The following ADAMTS18 variants were observed in gnomAD, a reference collection of about 807,000 sequenced individuals.
The protein encoded by ADAMTS18 is ADAM metallopeptidase with thrombospondin type 1 motif 18, also known as A disintegrin and metalloproteinase with thrombospondin motifs 18.
In ADAMTS18, 157 loss-of-function variants were observed where a neutral mutation model predicts 165.9. That is an observed-to-expected ratio of 0.95 (90% CI 0.83 to 1.08). The LOEUF is 1.08. Among genes scored for constraint, ADAMTS18 ranks in the 50% least tolerant of loss-of-function variants. ADAMTS18 has a pLI of 0.00. For synonymous variants in ADAMTS18, 782 were observed against 578.2 expected (o/e 1.35, Z -5.06); for missense variants, 2,040 against 1,534.0 (o/e 1.33, Z -5.51).
intron 10 of ADAMTS18, among the ~76,000 whole-genome samples, chr16:77,345,345 T>G (rs1305822333): frequency 6.6e-6 from 1 of 152,334 alleles, no homozygotes; most frequent in Non-Finnish European, 1.5e-5. Context: ...TTCCCATTGG[T>G]TCTGGTAAAA....
intron 10 of ADAMTS18, among the ~76,000 whole-genome samples, chr16:77,350,044 G>C (rs894970456): frequency 4.6e-5 from 7 of 152,112 alleles, no homozygotes; most frequent in Non-Finnish European, 2.9e-5. Context: ...CAGAAGTCTC[G>C]ATCAGTCTGT....
intron 11 of ADAMTS18, among the ~76,000 whole-genome samples, chr16:77,341,225 C>T (rs780686148): frequency 2.6e-5 from 4 of 152,118 alleles, no homozygotes; most frequent in East Asian, 1.9e-4. Context: ...TAGGTGGAGG[C>T]GTCTCTTACC....
At chr16:77,358,835 G>T (rs2056669414) in intron 8 of ADAMTS18, among the ~76,000 whole-genome samples, 1 of 152,126 alleles carries the variant, frequency 6.6e-6, no homozygotes, top group Non-Finnish European at 1.5e-5. Flanking sequence ...ATTCTCTATA[G>T]CGTTGTCTCC....
chr16:77,294,672 G>A (rs189736757), intron 19 of ADAMTS18, among the ~76,000 whole-genome samples: 10 of 152,136 alleles, frequency 6.6e-5, no homozygotes, highest in South Asian at 2.1e-4. Context: ...CTGTGCTCAC[G>A]AGTCTGGCCT....
chr16:77,382,535 T>C (rs912392128), intron 3 of ADAMTS18, among the ~76,000 whole-genome samples: 9 of 152,168 alleles, frequency 5.9e-5, no homozygotes, highest in Non-Finnish European at 2.9e-5. Flanking sequence ...AAAGGACAGA[T>C]ACTGAAGCTA....
At chr16:77,339,502 T>C (rs1374925500) in intron 11 of ADAMTS18, among the ~76,000 whole-genome samples, 2 of 152,054 alleles carry the variant, frequency 1.3e-5, no homozygotes, top group East Asian at 3.9e-4. Flanking sequence ...ATGTAATAAA[T>C]CTTTAGACCT....
chr16:77,291,959 C>G (rs913431400), intron 20 of ADAMTS18, among the ~76,000 whole-genome samples: 1 of 152,168 alleles, frequency 6.6e-6, no homozygotes, highest in Non-Finnish European at 1.5e-5. Context: ...TATACCCAAC[C>G]TCTCACACAC....
At chr16:77,428,952 T>C (rs1016290863) in intron 3 of ADAMTS18, among the ~76,000 whole-genome samples, 2 of 152,194 alleles carry the variant, frequency 1.3e-5, no homozygotes, top group African/African-American at 4.8e-5. Context: ...AAAATGCATA[T>C]ACAAGAATGT....
At chr16:77,380,997 C>T (rs117215051) in intron 3 of ADAMTS18, among the ~76,000 whole-genome samples, 1 of 152,150 alleles carries the variant, frequency 6.6e-6, no homozygotes, top group Non-Finnish European at 1.5e-5. Flanking sequence ...GCCTCCGCCT[C>T]CGGAGTAGCT....
intron 14 of ADAMTS18, 78 bp downstream of exon 14, chr16:77,322,258 A>T (rs1250715161): frequency 2.5e-6 from 4 of 1,570,550 alleles, no homozygotes; most frequent in Non-Finnish European, 3.5e-6. Context: ...ACAATCTCTC[A>T]CACCACTGTT....
chr16:77,336,782 A>AT (rs1172516299), intron 11 of ADAMTS18, among the ~76,000 whole-genome samples: 7 of 151,764 alleles, frequency 4.6e-5, no homozygotes, highest in African/African-American at 1.7e-4. Context: ...TTTTTGTTTT[A>AT]TTTTTTGTTT....
At chr16:77,285,572 A>ATTTTTCTGCCTAAAATTCC (rs1179579832) in intron 22 of ADAMTS18, among the ~76,000 whole-genome samples, 1 of 151,410 alleles carries the variant, frequency 6.6e-6, no homozygotes, top group Admixed American at 6.6e-5. Flanking sequence ...TCAAGCCTTG[A>ATTTTTCTGCCTAAAATTCC]TTTTTCTGCC....
rs1732734775 is a variant in ADAMTS18, at chr16:77,352,887, T to C, written c.1614+846A>G. Among the ~76,000 whole-genome samples the C allele has an allele frequency of 2.6e-5, 4 of 151,682 alleles. No homozygotes were observed. In the South Asian group the frequency reaches 8.4e-4, roughly 32 times the overall value. On this transcript the variant is annotated intron_variant, in intron 10 of 22. Transcript: ENST00000282849. ...GCACTTGGGAGGCCGAGGTGGGAGA[T>C]CACGAGGTCAGGAGATCAAGACCAC...
At chr16:77,311,640 C>A (rs1291964946) in intron 16 of ADAMTS18, among the ~76,000 whole-genome samples, 1 of 150,448 alleles carries the variant, frequency 6.6e-6, no homozygotes, top group South Asian at 2.1e-4. Context: ...ATTTAAATAC[C>A]AAAGGCATTA....
intron 11 of ADAMTS18, among the ~76,000 whole-genome samples, chr16:77,340,559 G>A (rs1366543): frequency 6.6e-6 from 1 of 152,088 alleles, no homozygotes; most frequent in Non-Finnish European, 1.5e-5. Context: ...ATCTAGTAAT[G>A]AATAAATTAT....
intron 3 of ADAMTS18, among the ~76,000 whole-genome samples, chr16:77,411,762 C>G (rs573191440): frequency 7.1e-5 from 10 of 140,040 alleles, no homozygotes; most frequent in African/African-American, 2.1e-4. Flanking sequence ...TCTTGGCTCA[C>G]TGCAACCTCT....
rs559109009 is a variant in ADAMTS18, at chr16:77,351,494, G to A, written c.1614+2239C>T. Among the ~76,000 whole-genome samples the A allele has an allele frequency of 6.1e-4, 93 of 152,256 alleles. 3 individuals carry two copies. In the South Asian group the frequency reaches 0.019, roughly 31 times the overall value. ...ACCCCACAAATACATGGTTCTGAAG[G>A]AATGATAGTAATTTTAGGAACCTCC... On this transcript the variant is annotated intron_variant, in intron 10 of 22. Coordinates refer to ENST00000282849, the MANE Select transcript of ADAMTS18 (RefSeq NM_199355.4).
chr16:77,323,019 C>A (rs908339761), intron 13 of ADAMTS18, among the ~76,000 whole-genome samples: 3 of 152,024 alleles, frequency 2.0e-5, no homozygotes, highest in Non-Finnish European at 4.4e-5. Context: ...AAAACCATGT[C>A]ATAAAAATGA....
At chr16:77,297,958 T>TC (rs1403833099) in intron 17 of ADAMTS18, among the ~76,000 whole-genome samples, 1 of 138,392 alleles carries the variant, frequency 7.2e-6, no homozygotes, top group African/African-American at 2.7e-5. Flanking sequence ...GGAGTCTCAT[T>TC]CTGTCGCCCA....
Sources: allele counts gnomAD v4.1 joint callset (sites outside exome capture counted in the v4.1 genomes callset), GRCh38; gene constraint gnomAD v4.1.1; transcripts MANE v1.5; gene names NCBI Gene and HGNC (gene_info 2026-07-23, HGNC 2026-07-21).